Variants in MMS19 observed in about 807,000 individuals in gnomAD.
MMS19 encodes MMS19 nucleotide excision repair protein homolog.
Under a neutral mutation model 129.8 loss-of-function variants are expected in MMS19, and 77 were observed. That is an observed-to-expected ratio of 0.59 (90% CI 0.49 to 0.72). MMS19 has a LOEUF of 0.72. Among genes scored for constraint, MMS19 ranks in the 30% least tolerant of loss-of-function variants. The probability of loss-of-function intolerance (pLI) is 0.00; values close to 1 mark genes in which losing one functional copy is unlikely to be tolerated. For missense variants in MMS19, 1,168 were observed against 1,266.3 expected (o/e 0.92, Z 1.18); for synonymous variants, 491 against 502.8 (o/e 0.98, Z 0.31).
intron 1 of MMS19, among the ~76,000 whole-genome samples, chr10:97,496,511 C>CAAAAAA (rs11357826): frequency 9.3e-6 from 1 of 108,048 alleles, no homozygotes; most frequent in Admixed American, 9.7e-5. Flanking sequence ...GACCTTGTCT[C>CAAAAAA]AAAAAAAAAA....
chr10:97,459,382 G>C lies in MMS19; in HGVS notation c.2884C>G (p.Leu962Val), dbSNP rs574117856. 1.2e-6 allele frequency: 2 copies of C among 1,605,518 alleles called. No homozygotes were observed. Among genetic ancestry groups the C allele is most frequent in the Admixed American group, 1.7e-5 (1 of 58,158 alleles). ...CGCACCATGGAAGGGCTAGAGCTGAGGTTCAGAAACTTGGTGACGAGGGTG... is the reference window on the plus strand; with the variant it reads ...CGCACCATGGAAGGGCTAGAGCTGACGTTCAGAAACTTGGTGACGAGGGTG... ...VDTLVTKFLN[L>V]SSSPSMAVRI... The change falls in exon 28 of 31, where the codon CTC becomes GTC. Residue 962 changes from leucine to valine, a missense_variant. Physicochemically the swap from Leu to Val is conservative, Grantham distance 32. Around this residue, in one of 3 missense-constraint regions of MMS19, gnomAD observed 831 missense variants for 910.8 expected, o/e 0.91. Transcript: ENST00000438925.
rs1283926617 is a variant in MMS19, at chr10:97,466,565, A to G, written c.1444T>C (p.Leu482=). 5 of 1,613,682 alleles carry G rather than the reference A, an allele frequency of 3.1e-6. No homozygotes were observed. Among genetic ancestry groups the G allele is most frequent in the South Asian group, 1.1e-5 (1 of 91,078 alleles). Residue 482 remains leucine (L), a synonymous_variant, in exon 16 of 31, where the codon TTG becomes CTG. Coordinates refer to ENST00000438925, the MANE Select transcript of MMS19 (RefSeq NM_022362.5). The part of the protein sequence containing the change: ...AQPDLLSYED[L]ELAVGHLYRL... ...TACAGGTGACCCACTGCCAGCTCCA[A>G]GTCCTCATAAGATAGGAGATCTGTA...
chr10:97,484,081 A>T, intron 2 of MMS19, 22 bp downstream of exon 2: 2 of 1,498,286 alleles, frequency 1.3e-6, no homozygotes, highest in Non-Finnish European at 1.8e-6. Context: ...GGAGAAGAAC[A>T]TTCTATAGCA....
At chr10:97,485,872 G>A (rs1244700686) in intron 1 of MMS19, among the ~76,000 whole-genome samples, 2 of 152,206 alleles carry the variant, frequency 1.3e-5, no homozygotes, top group South Asian at 2.1e-4. Flanking sequence ...GTACACTGTT[G>A]GTGGGAATGT....
intron 13 of MMS19, 121 bp downstream of exon 13, chr10:97,468,131 C>T: frequency 1.1e-6 from 1 of 872,468 alleles, no homozygotes; most frequent in South Asian, 2.4e-5. Context: ...GCAGCAGCAG[C>T]TAATGGGAGC....
At chr10:97,477,053 T>C in intron 6 of MMS19, 90 bp from the exon 7 acceptor site, 1 of 1,579,746 alleles carries the variant, frequency 6.3e-7, no homozygotes, top group South Asian at 1.2e-5. Flanking sequence ...CTGCTATCAT[T>C]GCCTCCCCTT....
chr10:97,484,000 A>G, intron 2 of MMS19, 103 bp downstream of exon 2: 1 of 736,358 alleles, frequency 1.4e-6, no homozygotes, highest in South Asian at 1.6e-5. Context: ...CTGCTGGGCT[A>G]CAAGACAAAT....
rs777353061 is a variant in MMS19, at chr10:97,458,790, A to G, written c.3065+10T>C. The G allele has an allele frequency of 3.7e-6, 6 of 1,613,884 alleles. No homozygotes were observed. The South Asian group carries it at 5.5e-5, about 15-fold the overall frequency. On this transcript the variant is annotated intron_variant, in intron 30 of 30. Transcript: ENST00000438925. ...TTGGTCCCATCTCTCCCCACGACCTAGAAACTCACCACTCCCCTCTGGCTG... is the reference window on the plus strand; with the variant it reads ...TTGGTCCCATCTCTCCCCACGACCTGGAAACTCACCACTCCCCTCTGGCTG...
At chr10:97,484,527 C>T (rs756800774) in intron 1 of MMS19, among the ~76,000 whole-genome samples, 3 of 152,032 alleles carry the variant, frequency 2.0e-5, no homozygotes, top group Non-Finnish European at 2.9e-5. Context: ...AGGAAAAAGA[C>T]CCTGTTTATA....
At chr10:97,473,088 T>C (rs1216563188) in intron 8 of MMS19, among the ~76,000 whole-genome samples, 1 of 151,798 alleles carries the variant, frequency 6.6e-6, no homozygotes, top group Non-Finnish European at 1.5e-5. Context: ...TAAGCTGGAG[T>C]GCAATGGCGT....
At chr10:97,486,882 T>TATATATATATATATAC (rs2037971714) in intron 1 of MMS19, among the ~76,000 whole-genome samples, 1 of 103,476 alleles carries the variant, frequency 9.7e-6, no homozygotes, top group Admixed American at 1.1e-4. Context: ...TATATATATA[T>TATATATATATATATAC]ATATATATAT....
intron 5 of MMS19, among the ~76,000 whole-genome samples, 195 bp downstream of exon 5, chr10:97,477,660 A>G (rs1387380599): frequency 6.6e-6 from 1 of 152,260 alleles, no homozygotes; most frequent in Non-Finnish European, 1.5e-5. Flanking sequence ...GACACAGGTC[A>G]GATCTAATGG....
At chr10:97,484,246 G>A in intron 1 of MMS19, 95 bp from the exon 2 acceptor site, 1 of 831,600 alleles carries the variant, frequency 1.2e-6, no homozygotes, top group East Asian at 2.7e-5. Context: ...CCTGCCCTAG[G>A]CTTTGTACCT....
intron 1 of MMS19, among the ~76,000 whole-genome samples, chr10:97,490,164 G>T (rs907580853): frequency 6.6e-6 from 1 of 151,938 alleles, no homozygotes; most frequent in African/African-American, 2.4e-5. Flanking sequence ...CTGCAGCCTC[G>T]ACTTCCCAGG....
Position 97,468,281 on chromosome 10 carries a change from G to A in MMS19, c.1189C>T (p.Leu397=). The A allele has an allele frequency of 1.2e-6, 2 of 1,604,740 alleles. No homozygotes were observed. The highest frequency in any genetic ancestry group is 1.7e-6 in the Non-Finnish European group (2 of 1,174,114). ...CTGTGCTTGTGGAACTGTTCCAGCA[G>A]TAAAGGCAGTACATTGCTGGTGACA... ...DSVTSNVLPL[L]LEQFHKHSQS... Residue 397 remains leucine, a synonymous_variant, in exon 13 of 31, where the codon CTG becomes TTG. Transcript: ENST00000438925.
In MMS19 at chr10:97,476,974, G is replaced by A. The variant is rs757744914; in HGVS notation, c.494-11C>T. The A allele has an allele frequency of 1.2e-6, 2 of 1,613,756 alleles. No homozygotes were observed. Among genetic ancestry groups the A allele is most frequent in the Admixed American group, 1.7e-5 (1 of 60,014 alleles). ...CTAGGCTCTTTAGCTCTGGGAAGGAGAGAATAAGGTTACTATACTGTCCCA... is the reference window on the plus strand; with the variant it reads ...CTAGGCTCTTTAGCTCTGGGAAGGAAAGAATAAGGTTACTATACTGTCCCA... On this transcript the variant is annotated splice_polypyrimidine_tract_variant and intron_variant, in intron 6 of 30. Transcript: ENST00000438925.
chr10:97,489,948 T>A (rs1300389736), intron 1 of MMS19, among the ~76,000 whole-genome samples: 1 of 152,234 alleles, frequency 6.6e-6, no homozygotes, highest in Non-Finnish European at 1.5e-5. Flanking sequence ...GGTTAAGGTA[T>A]GTCTGCCAGG....
At chr10:97,475,047 C>T (rs1452585485) in intron 8 of MMS19, among the ~76,000 whole-genome samples, 1 of 152,160 alleles carries the variant, frequency 6.6e-6, no homozygotes, top group African/African-American at 2.4e-5. Flanking sequence ...CTGCTCATAA[C>T]AGCAAAAGAT....
chr10:97,474,369 C>G (rs1036787261), intron 8 of MMS19, among the ~76,000 whole-genome samples: 8 of 151,754 alleles, frequency 5.3e-5, no homozygotes, highest in Non-Finnish European at 1.2e-4. Context: ...ATGGCAAAAC[C>G]CCATCTCTAC....
Sources: gnomAD v4.1 joint callset for allele counts (sites outside exome capture counted in the v4.1 genomes callset) on GRCh38, gnomAD v4.1.1 for gene constraint, gnomAD v4.1.1 regional missense constraint, MANE v1.5 for transcripts, NCBI Gene and HGNC (gene_info 2026-07-23, HGNC 2026-07-21) for gene names.